The following TNFRSF10B variants were observed in gnomAD, a reference collection of about 807,000 sequenced individuals.
TNFRSF10B encodes the protein TNF receptor superfamily member 10b.
A neutral mutation model predicts 41.4 loss-of-function variants in TNFRSF10B; 35 were observed. That is an observed-to-expected ratio of 0.85 (90% CI 0.65 to 1.12). The LOEUF is 1.12. Among genes scored for constraint, TNFRSF10B ranks in the 50% most tolerant of loss-of-function variants. The pLI is 0.00. For synonymous variants in TNFRSF10B, 230 were observed against 215.5 expected, an observed-to-expected ratio of 1.07 and a Z score of -0.59; for missense variants, 584 against 552.7, an observed-to-expected ratio of 1.06 and a Z score of -0.57.
At chr8:23,023,718 TAATATACAATC>T (rs1336866132) in intron 8 of TNFRSF10B, among the ~76,000 whole-genome samples, 7 of 152,238 alleles carry the variant, frequency 4.6e-5, no homozygotes, top group Non-Finnish European at 7.3e-5. Context: ...AAATATAATT[TAATATACAATC>T]AATATACAAA....
chr8:23,027,956 T>G (rs1251832541), intron 5 of TNFRSF10B: 1 of 641,070 alleles, frequency 1.6e-6, no homozygotes, highest in Non-Finnish European at 2.7e-6. Context: ...AAACAAACAC[T>G]TGGAAAATCT....
At chr8:23,028,281 G>C in intron 5 of TNFRSF10B, 50 bp downstream of exon 5, 1 of 1,611,866 alleles carries the variant, frequency 6.2e-7, no homozygotes. Context: ...TAGGGTGGGA[G>C]GGGGCAGGGC....
chr8:23,049,734 T>G (rs1313977964), intron 1 of TNFRSF10B: 2 of 152,120 alleles, frequency 1.3e-5, no homozygotes, highest in East Asian at 3.8e-4. Context: ...ACTCTCTTCC[T>G]CCCCAGTTCA....
chr8:23,026,268 T>A (rs1384259691), intron 7 of TNFRSF10B, among the ~76,000 whole-genome samples: 1 of 83,320 alleles, frequency 1.2e-5, no homozygotes, highest in Admixed American at 1.5e-4. Flanking sequence ...AAGATCTAGT[T>A]TTTTTTTGTT....
Position 23,032,917 on chromosome 8 carries a change from T to A in TNFRSF10B, c.251-2045A>T, listed in dbSNP as rs145904457. ...AAGAGAACTACACTGAGACACATTA[T>A]AGTCAAATGGACAAAAGCCCAACAC... is the stretch of plus-strand genomic sequence containing the variant. On this transcript the variant is annotated intron_variant, in intron 2 of 8. Transcript: ENST00000276431. 7.0e-4 allele frequency among the ~76,000 whole-genome samples: 107 copies of A among 152,350 alleles called. 1 individual carries two copies. The highest frequency in any genetic ancestry group is 6.8e-3 in the Middle Eastern group (2 of 294).
intron 1 of TNFRSF10B, among the ~76,000 whole-genome samples, chr8:23,061,050 G>A (rs1812817178): frequency 6.6e-6 from 1 of 151,986 alleles, no homozygotes; most frequent in South Asian, 2.1e-4. Context: ...ATACCCCACG[G>A]CAATTACCCA....
At chr8:23,038,501 C>T (rs532473027) in intron 2 of TNFRSF10B, among the ~76,000 whole-genome samples, 124 of 152,244 alleles carry the variant, frequency 8.1e-4, no homozygotes, top group Middle Eastern at 3.4e-3. Flanking sequence ...ATATGTTAAG[C>T]GAATATCTGT....
At chr8:23,051,084 G>A (rs1292316045) in intron 1 of TNFRSF10B, among the ~76,000 whole-genome samples, 1 of 152,012 alleles carries the variant, frequency 6.6e-6, no homozygotes, top group Non-Finnish European at 1.5e-5. Flanking sequence ...GAGGTCTTAC[G>A]AATCTATAAA....
At position 23,028,531 on chromosome 8, in the gene TNFRSF10B, G is replaced by A. The variant is rs1563307682; in HGVS notation, c.548C>T (p.Ser183Leu). 1 of 1,614,072 alleles carries A rather than the reference G, an allele frequency of 6.2e-7. No individual in the cohort carries two copies. The highest frequency in any genetic ancestry group is 1.7e-5 in the Admixed American group (1 of 60,012). ...GACTTCCCCACTGTGCTTTGTACCTGATTCTTTGTGGACACATTCGATGTC... is the reference window on the plus strand; with the variant it reads ...GACTTCCCCACTGTGCTTTGTACCTAATTCTTTGTGGACACATTCGATGTC... The part of the protein sequence containing the change: ...WSDIECVHKE[S>L]GTKHSGEVPA... Residue 183 changes from serine to leucine, a missense_variant, in exon 5 of 9, where the codon TCA becomes TTA. By Grantham distance (145) the Ser-to-Leu change is moderately radical. Coordinates refer to ENST00000276431, the MANE Select transcript of TNFRSF10B (RefSeq NM_003842.5).
intron 6 of TNFRSF10B, 120 bp from the exon 7 acceptor site, chr8:23,027,408 G>T: frequency 1.5e-6 from 2 of 1,293,932 alleles, no homozygotes; most frequent in Non-Finnish European, 2.2e-6. Context: ...TGAGGTCACC[G>T]CAGGCAGCCC....
Position 23,029,659 on chromosome 8 carries a change from T to C in TNFRSF10B, c.427A>G (p.Thr143Ala). ...RNTVCQCEEG[T>A]FREEDSPEMC... Reference sequence around the variant, plus strand: ...TCAGGAGAATCTTCTTCCCGGAAGGTGCCTTCTTCGCACTGACACACTGTG... The same window carrying C: ...TCAGGAGAATCTTCTTCCCGGAAGGCGCCTTCTTCGCACTGACACACTGTG... The change falls in exon 4 of 9, where the codon ACC becomes GCC. Residue 143 changes from threonine to alanine, a missense_variant. By Grantham distance (58) the Thr-to-Ala change is moderately conservative. Transcript: ENST00000276431. The C allele has an allele frequency of 6.2e-7, 1 of 1,613,780 alleles. No individual in the cohort carries two copies.
At chr8:23,052,183 GTTATA>G (rs1196158422) in intron 1 of TNFRSF10B, among the ~76,000 whole-genome samples, 1 of 151,328 alleles carries the variant, frequency 6.6e-6, no homozygotes, top group Non-Finnish European at 1.5e-5. Flanking sequence ...AGAATCTAAA[GTTATA>G]TTAAACAACA....
intron 4 of TNFRSF10B, 29 bp from the exon 5 acceptor site, chr8:23,028,631 G>A (rs960323420): frequency 3.1e-6 from 5 of 1,613,554 alleles, no homozygotes; most frequent in Non-Finnish European, 3.4e-6. Context: ...GGAGAGGGGG[G>A]ACTCTTGATG....
rs533069105 is a variant in TNFRSF10B, at chr8:23,021,779, G to A, written c.*892C>T. On this transcript the variant is annotated 3_prime_UTR_variant, in exon 9 of 9. Transcript: ENST00000276431. ...CCTGTAGAAGTTGCCAATCATTGAAGCCAAAGTACATCTGAGGGAGGGCTG... is the reference window on the plus strand; with the variant it reads ...CCTGTAGAAGTTGCCAATCATTGAAACCAAAGTACATCTGAGGGAGGGCTG... 6 of 454,106 alleles carry A rather than the reference G, an allele frequency of 1.3e-5. No individual in the cohort carries two copies. Among genetic ancestry groups the A allele is most frequent in the Non-Finnish European group, 2.6e-5 (6 of 226,784 alleles). The allele number at this position is 454,106 out of a possible 1,614,324, so 28.1% of individuals were successfully genotyped here. A position where few individuals can be genotyped will look rare whatever the true frequency, so the allele number is the denominator to read the frequency against.
At chr8:23,059,804 A>T (rs1483325709) in intron 1 of TNFRSF10B, among the ~76,000 whole-genome samples, 1 of 151,968 alleles carries the variant, frequency 6.6e-6, no homozygotes, top group Admixed American at 6.6e-5. Context: ...GAGCCACCGC[A>T]CCCGGCCTGT....
At chr8:23,051,150 G>A (rs911616130) in intron 1 of TNFRSF10B, among the ~76,000 whole-genome samples, 1 of 152,112 alleles carries the variant, frequency 6.6e-6, no homozygotes, top group African/African-American at 2.4e-5. Context: ...TGTACACCAT[G>A]TTTCACTACT....
chr8:23,028,482 G>C lies in TNFRSF10B; in HGVS notation c.597C>G (p.Thr199=). The C allele has an allele frequency of 6.2e-7, 1 of 1,614,070 alleles. No homozygotes were observed. The highest frequency in any genetic ancestry group is 1.7e-5 in the Admixed American group (1 of 60,018). ...GEVPAVEETV[T]SSPGTPASPC... ...GAGAGGCAGGAGTCCCTGGGCTGGA[G>C]GTCACCGTCTCCTCCACAGCTGGGA... Residue 199 remains threonine (T), a synonymous_variant, in exon 5 of 9, where the codon ACC becomes ACG. Coordinates refer to ENST00000276431, the MANE Select transcript of TNFRSF10B (RefSeq NM_003842.5).
intron 1 of TNFRSF10B, among the ~76,000 whole-genome samples, chr8:23,061,725 TG>T (rs1369121791): frequency 6.6e-6 from 1 of 152,234 alleles, no homozygotes; most frequent in East Asian, 1.9e-4. Flanking sequence ...CTTAGTTTGC[TG>T]GGTGTTTTCA....
In TNFRSF10B at chr8:23,021,151, G is replaced by C; in HGVS notation, c.*1520C>G. 2.2e-6 allele frequency: 1 copy of C among 454,082 alleles called. No individual in the cohort carries two copies. Among genetic ancestry groups the C allele is most frequent in the Non-Finnish European group, 4.4e-6 (1 of 226,788 alleles). 28.1% of individuals were successfully genotyped at this position (454,082 alleles called of 1,614,324 possible). ...CCATGACTGAAATACTATGGAGAAG[G>C]GTTTGCTGGAAAGAGGCTGAAATGG... On this transcript the variant is annotated 3_prime_UTR_variant, in exon 9 of 9. Transcript: ENST00000276431.
Sources: allele counts gnomAD v4.1 joint callset (sites outside exome capture counted in the v4.1 genomes callset), GRCh38; gene constraint gnomAD v4.1.1; transcripts MANE v1.5; gene names NCBI Gene and HGNC (gene_info 2026-07-23, HGNC 2026-07-21).